Variants in ALPK2 observed in about 807,000 individuals in gnomAD.
ALPK2 encodes the protein alpha kinase 2.
A neutral mutation model predicts 163.1 loss-of-function variants in ALPK2; 127 were observed. The ratio of observed to expected loss-of-function variants is 0.78; its 90% CI spans 0.67 to 0.90. ALPK2 has a LOEUF of 0.90. Among genes scored for constraint, ALPK2 ranks in the 40% least tolerant of loss-of-function variants. The pLI is 0.00. For missense variants in ALPK2, 2,360 were observed against 2,589.6 expected, an observed-to-expected ratio of 0.91 and a Z score of 1.92; for synonymous variants, 953 against 959.1, an observed-to-expected ratio of 0.99 and a Z score of 0.12.
chr18:58,580,466 C>T lies in ALPK2; in HGVS notation c.310G>A (p.Val104Ile), dbSNP rs2051952685. 6.2e-7 allele frequency: 1 copy of T among 1,614,018 alleles called. No homozygotes were observed. The highest frequency in any genetic ancestry group is 1.7e-5 in the Admixed American group (1 of 60,000). Reference sequence around the variant, plus strand: ...TGTGGGTTCTCTGATGAGCACTCAACCTCAACGGAAGCAGAACAACAGATC... The same window carrying T: ...TGTGGGTTCTCTGATGAGCACTCAATCTCAACGGAAGCAGAACAACAGATC... ...GMICCSASVE[V>I]ECSSENPQLS... Residue 104 changes from valine (V) to isoleucine (I), a missense_variant, in exon 4 of 13, where the codon GTT becomes ATT. Coordinates refer to ENST00000361673, the MANE Select transcript of ALPK2 (RefSeq NM_052947.4).
chr18:58,564,513 A>G (rs1051059703), intron 4 of ALPK2, among the ~76,000 whole-genome samples: 2 of 149,344 alleles, frequency 1.3e-5, no homozygotes, highest in Non-Finnish European at 3.0e-5. Flanking sequence ...TGTTTTTAAT[A>G]TCAGTTTATG....
intron 3 of ALPK2, among the ~76,000 whole-genome samples, chr18:58,601,529 G>C (rs928335792): frequency 1.4e-4 from 21 of 152,154 alleles, no homozygotes; most frequent in African/African-American, 4.8e-4. Flanking sequence ...TGAGAGAAAT[G>C]ATATTGGGTG....
intron 11 of ALPK2, among the ~76,000 whole-genome samples, chr18:58,503,708 T>A (rs1602189427): frequency 6.6e-6 from 1 of 152,038 alleles, no homozygotes. Context: ...CCCCCTAGAA[T>A]TTTTTTAAAT....
At chr18:58,562,188 T>C (rs549123567) in intron 4 of ALPK2, among the ~76,000 whole-genome samples, 88 of 152,306 alleles carry the variant, frequency 5.8e-4, no homozygotes, top group Admixed American at 5.6e-3. Context: ...AAATGCCAAA[T>C]GTTGGACATT....
chr18:58,592,633 C>T (rs529689216), intron 3 of ALPK2, among the ~76,000 whole-genome samples: 2 of 152,046 alleles, frequency 1.3e-5, no homozygotes, highest in African/African-American at 2.4e-5. Flanking sequence ...GTGGAGGGTG[C>T]GGAATTCTGT....
At chr18:58,625,700 TTGAAAATCAAG>T (rs1199815069) in intron 1 of ALPK2, among the ~76,000 whole-genome samples, 1 of 152,212 alleles carries the variant, frequency 6.6e-6, no homozygotes, top group African/African-American at 2.4e-5. Flanking sequence ...AAGAGCAGGA[TTGAAAATCAAG>T]TGAAAATCAA....
intron 5 of ALPK2, among the ~76,000 whole-genome samples, chr18:58,531,514 A>C (rs907381676): frequency 1.3e-5 from 2 of 152,158 alleles, no homozygotes; most frequent in African/African-American, 2.4e-5. Flanking sequence ...GTTATTTTTA[A>C]GCAATGAAAT....
intron 4 of ALPK2, among the ~76,000 whole-genome samples, chr18:58,553,590 C>T (rs2051770561): frequency 6.6e-6 from 1 of 152,152 alleles, no homozygotes; most frequent in Non-Finnish European, 1.5e-5. Context: ...GGTAATTGAA[C>T]AATGGGGGCG....
intron 3 of ALPK2, among the ~76,000 whole-genome samples, chr18:58,581,524 C>T (rs2051959191): frequency 6.6e-6 from 1 of 152,224 alleles, no homozygotes; most frequent in African/African-American, 2.4e-5. Context: ...CCTGCTCTCT[C>T]AGTTCAGGAT....
chr18:58,592,396 T>C (rs1171154120), intron 3 of ALPK2, among the ~76,000 whole-genome samples: 2 of 152,288 alleles, frequency 1.3e-5, no homozygotes, highest in Admixed American at 1.3e-4. Context: ...GGCCTGGGCC[T>C]TCAGGAAATG....
At chr18:58,540,112 G>T (rs2051682635) in intron 4 of ALPK2, among the ~76,000 whole-genome samples, 1 of 152,204 alleles carries the variant, frequency 6.6e-6, no homozygotes, top group African/African-American at 2.4e-5. Flanking sequence ...CATCTACAAG[G>T]AGCTCCCATT....
In ALPK2 at chr18:58,547,079, G is replaced by A. The variant is rs530334170; in HGVS notation, c.1963-8855C>T. On this transcript the variant is annotated intron_variant, in intron 4 of 12. Transcript: ENST00000361673. The stretch of plus-strand genomic sequence containing the variant: ...ATCTGCTACTATACAGGAAGTGGCT[G>A]TAGAGAAGTCACCAGGTCTCTCAGA... Among the ~76,000 whole-genome samples the A allele has an allele frequency of 5.6e-5, 8 of 142,592 alleles. No individual in the cohort carries two copies. The East Asian group carries it at 1.2e-3, about 21-fold the overall frequency. 93.5% of individuals were successfully genotyped at this position (142,592 alleles called of 152,430 possible).
intron 5 of ALPK2, among the ~76,000 whole-genome samples, chr18:58,531,302 G>C (rs1054695468): frequency 2.0e-5 from 3 of 152,110 alleles, no homozygotes; most frequent in Non-Finnish European, 2.9e-5. Flanking sequence ...CCAGTTAACT[G>C]GTGGGAAGGC....
intron 12 of ALPK2, among the ~76,000 whole-genome samples, chr18:58,486,026 C>T (rs1213922869): frequency 2.6e-5 from 4 of 152,326 alleles, no homozygotes; most frequent in East Asian, 3.9e-4. Flanking sequence ...ACTCCCTTGC[C>T]GGCAGGTGTT....
chr18:58,514,381 T>G lies in ALPK2; in HGVS notation c.6029+612A>C, dbSNP rs908902728. Among the ~76,000 whole-genome samples, 8 of 152,284 alleles carry G rather than the reference T, an allele frequency of 5.3e-5. No homozygotes were observed. The East Asian group carries it at 1.5e-3, about 29-fold the overall frequency. On this transcript the variant is annotated intron_variant, in intron 10 of 12. Transcript: ENST00000361673. Reference sequence around the variant, plus strand: ...CTAGCTAAGCCCTTTTTCTGTCCATTTAAGCATGCAAATATGATCTCAACC... The same window carrying G: ...CTAGCTAAGCCCTTTTTCTGTCCATGTAAGCATGCAAATATGATCTCAACC...
At position 58,523,843 on chromosome 18, in the gene ALPK2, TAGA is replaced by T. The variant is rs780264663; in HGVS notation, c.5630-5_5630-3del. ...GGCGACTTGACAGCTGTTTGAGAAC[TAGA>T]AGAAGACAAAGCAGAGAATGGCTTC... On this transcript the variant is annotated splice_polypyrimidine_tract_variant and splice_region_variant and intron_variant, in intron 7 of 12. Coordinates refer to ENST00000361673, the MANE Select transcript of ALPK2 (RefSeq NM_052947.4). 31 of 1,614,076 alleles carry T rather than the reference TAGA, an allele frequency of 1.9e-5. No homozygotes were observed. In the African/African-American group the frequency reaches 3.2e-4, roughly 17 times the overall value.
Position 58,579,457 on chromosome 18 carries a change from G to T in ALPK2, c.1319C>A (p.Thr440Lys). 1 of 1,614,074 alleles carries T rather than the reference G, an allele frequency of 6.2e-7. No homozygotes were observed. Among genetic ancestry groups the T allele is most frequent in the East Asian group, 2.2e-5 (1 of 44,890 alleles). Reference protein sequence around the residue: ...TLILGPHQDGTSSVTEQGRYK... With the variant: ...TLILGPHQDGKSSVTEQGRYK... The stretch of plus-strand genomic sequence containing the variant: ...TCTCCCCTGTTCTGTCACTGAAGAC[G>T]TTCCATCCTGGTGAGGTCCCAAAAT... The change falls in exon 4 of 13, where the codon ACG (threonine) becomes AAG (lysine). Residue 440 changes from threonine (T) to lysine (K), a missense_variant. Physicochemically the swap from Thr to Lys is moderately conservative, Grantham distance 78 (BLOSUM62 -1). Coordinates refer to ENST00000361673, the MANE Select transcript of ALPK2 (RefSeq NM_052947.4).
Position 58,515,095 on chromosome 18 carries a change from A to G in ALPK2, c.5941-14T>C. On this transcript the variant is annotated splice_polypyrimidine_tract_variant and intron_variant, in intron 9 of 12. Coordinates refer to ENST00000361673, the MANE Select transcript of ALPK2 (RefSeq NM_052947.4). ...AACATAGCATTCCTATATCGCCAAA[A>G]TACATAGAAAGCCCCAGTGACTACA... 1 of 1,596,826 alleles carries G rather than the reference A, an allele frequency of 6.3e-7. No homozygotes were observed. Among genetic ancestry groups the G allele is most frequent in the Non-Finnish European group, 8.6e-7 (1 of 1,166,562 alleles).
chr18:58,606,726 C>T (rs1428599071), intron 3 of ALPK2, among the ~76,000 whole-genome samples: 1 of 152,180 alleles, frequency 6.6e-6, no homozygotes, highest in Non-Finnish European at 1.5e-5. Context: ...CATTGAGGAT[C>T]AAAAGCACAG....
Sources: gnomAD v4.1 joint callset for allele counts (sites outside exome capture counted in the v4.1 genomes callset) on GRCh38, gnomAD v4.1.1 for gene constraint, MANE v1.5 for transcripts, NCBI Gene and HGNC (gene_info 2026-07-23, HGNC 2026-07-21) for gene names.